ARHGEF9: variants seen among roughly 807,000 people sequenced by gnomAD.
ARHGEF9 encodes the protein Cdc42 guanine nucleotide exchange factor 9.
ARHGEF9 carries 2 observed loss-of-function variants against 41.3 expected under a neutral mutation model. The observed-to-expected ratio is 0.05, with a 90% CI of 0.02 to 0.15. The LOEUF is 0.15. Among genes scored for constraint, ARHGEF9 ranks in the 10% least tolerant of loss-of-function variants. The probability of loss-of-function intolerance (pLI) is 1.00; values close to 1 mark genes in which losing one functional copy is unlikely to be tolerated. For missense variants in ARHGEF9, 225 were observed against 424.7 expected (o/e 0.53, Z 4.13); for synonymous variants, 160 against 154.4 (o/e 1.04, Z -0.27).
intron 1 of ARHGEF9, among the ~76,000 whole-genome samples, chrX:63,776,524 T>C (rs2056296089): frequency 8.9e-6 from 1 of 112,065 alleles, no homozygotes; most frequent in Non-Finnish European, 1.9e-5. Flanking sequence ...AATTTAAAAA[T>C]GTAAAAATCA....
chrX:63,637,934 G>A lies in ARHGEF9; in HGVS notation c.*94C>T, dbSNP rs782671119. On this transcript the variant is annotated 3_prime_UTR_variant, in exon 10 of 10. Transcript: ENST00000671741. ...CAAGGGTCTCTGTGTGTGTGTGTGT[G>A]TATAAATTTCAACAGTGCTTCTCCG... 14 of 727,611 alleles carry A rather than the reference G, an allele frequency of 1.9e-5. No individual in the cohort carries two copies. The East Asian group carries it at 3.3e-4, about 17-fold the overall frequency. The allele number at this position is 727,611 out of a possible 1,213,427, so 60.0% of individuals were successfully genotyped here.
intron 8 of ARHGEF9, among the ~76,000 whole-genome samples, chrX:63,651,045 C>T (rs781937609): frequency 1.8e-5 from 2 of 110,814 alleles, no homozygotes; most frequent in Non-Finnish European, 3.8e-5. Flanking sequence ...GAAAACTCTA[C>T]CATTTTCCTG....
intron 4 of ARHGEF9, 145 bp from the exon 5 acceptor site, chrX:63,678,717 A>G (rs1367294286): frequency 4.2e-6 from 2 of 473,832 alleles, no homozygotes; most frequent in Admixed American, 3.6e-5. Context: ...TCATAATTTA[A>G]TAATAAATAT....
At chrX:63,745,505 G>T (rs2055213097) in intron 1 of ARHGEF9, among the ~76,000 whole-genome samples, 1 of 111,391 alleles carries the variant, frequency 9.0e-6, no homozygotes. Context: ...TCAGGTCTCT[G>T]ATCCAGCCAA....
chrX:63,640,101 A>G (rs1317561866), intron 9 of ARHGEF9: 2 of 112,183 alleles, frequency 1.8e-5, no homozygotes, highest in East Asian at 5.6e-4. Flanking sequence ...CAAAATACAT[A>G]AAACAGAAGA....
At position 63,645,160 on chromosome X, in the gene ARHGEF9, T is replaced by C. The variant is rs1602186979; in HGVS notation, c.1322-1112A>G. The stretch of plus-strand genomic sequence containing the variant: ...CTAAAAATAAATAAAAAGGAAATTT[T>C]ATATTAAAACCTCTGAGATACAGTT... On this transcript the variant is annotated intron_variant, in intron 8 of 9. Transcript: ENST00000671741. Among the ~76,000 whole-genome samples the C allele has an allele frequency of 2.7e-5, 3 of 111,287 alleles. No homozygotes were observed. The South Asian group carries it at 1.2e-3, about 43-fold the overall frequency.
rs182265298 is a variant in ARHGEF9 at position 63,689,868 on chromosome X, G to A, written c.582+7257C>T. On this transcript the variant is annotated intron_variant, in intron 4 of 9. Coordinates refer to ENST00000671741, the MANE Select transcript of ARHGEF9 (RefSeq NM_001353921.2). ...ACTTAAGAAACTGTACAAATACACC[G>A]AAATTAAATACATTGCTCCTGAATG... 2.6e-3 allele frequency among the ~76,000 whole-genome samples: 285 copies of A among 111,706 alleles called. 1 individual carries two copies. The highest frequency in any genetic ancestry group is 8.7e-3 in the African/African-American group (269 of 30,861).
intron 2 of ARHGEF9, among the ~76,000 whole-genome samples, chrX:63,707,603 G>A (rs782311430): frequency 9.0e-6 from 1 of 110,901 alleles, no homozygotes; most frequent in South Asian, 3.9e-4. Context: ...GTCTCAACAG[G>A]TTTAATCAAT....
Position 63,754,352 on chromosome X carries a change from TC to T in ARHGEF9, c.31-29642del, listed in dbSNP as rs782757577. 1.8e-5 allele frequency: 22 copies of T among 1,206,190 alleles called. No homozygotes were observed. In the African/African-American group the frequency reaches 3.6e-4, roughly 20 times the overall value. On this transcript the variant is annotated intron_variant, in intron 1 of 9. Coordinates refer to ENST00000671741, the MANE Select transcript of ARHGEF9 (RefSeq NM_001353921.2). Reference sequence around the variant, plus strand: ...GGCCATGTTGAAGCTCAAAACGTTTTCCCCCCTGAGTAAGAAAGCTTGTTCT... The same window carrying T: ...GGCCATGTTGAAGCTCAAAACGTTTTCCCCCTGAGTAAGAAAGCTTGTTCT...
At chrX:63,733,668 TG>T (rs1188565086) in intron 1 of ARHGEF9, among the ~76,000 whole-genome samples, 4 of 112,353 alleles carry the variant, frequency 3.6e-5, no homozygotes, top group African/African-American at 6.5e-5. Flanking sequence ...GTGTGTGATT[TG>T]TGAGTCATTA....
At chrX:63,689,221 T>C (rs1399812901) in intron 4 of ARHGEF9, among the ~76,000 whole-genome samples, 4 of 111,449 alleles carry the variant, frequency 3.6e-5, no homozygotes, top group African/African-American at 1.3e-4. Flanking sequence ...TCCAACTATA[T>C]GCTGCCTTCA....
chrX:63,767,027 T>C (rs1334034470), intron 1 of ARHGEF9: 15 of 854,611 alleles, frequency 1.8e-5, no homozygotes, highest in Non-Finnish European at 2.6e-5. Flanking sequence ...CTGTCTCTGG[T>C]ATTGAAGAGG....
intron 1 of ARHGEF9, among the ~76,000 whole-genome samples, chrX:63,780,459 G>A (rs2056362410): frequency 1.8e-5 from 2 of 111,061 alleles, no homozygotes; most frequent in Non-Finnish European, 3.8e-5. Context: ...CAAAGGTGTG[G>A]CAATGGGAGC....
chrX:63,759,371 G>C (rs1276198484), intron 1 of ARHGEF9, among the ~76,000 whole-genome samples: 2 of 110,851 alleles, frequency 1.8e-5, no homozygotes, highest in African/African-American at 6.6e-5. Flanking sequence ...TCTTGGTCTA[G>C]CACAACTCCA....
chrX:63,707,911 A>G (rs2052662774), intron 2 of ARHGEF9, among the ~76,000 whole-genome samples: 1 of 111,948 alleles, frequency 8.9e-6, no homozygotes, highest in Non-Finnish European at 1.9e-5. Flanking sequence ...GTCACAGGCC[A>G]AAGTAAATAG....
chrX:63,711,989 A>T (rs554994253), intron 2 of ARHGEF9, among the ~76,000 whole-genome samples: 1 of 112,441 alleles, frequency 8.9e-6, no homozygotes, highest in South Asian at 3.6e-4. Context: ...TCCAAAGAAG[A>T]CATATAAATG....
intron 1 of ARHGEF9, among the ~76,000 whole-genome samples, chrX:63,780,975 CA>C (rs1187696150): frequency 9.1e-6 from 1 of 110,410 alleles, no homozygotes; most frequent in African/African-American, 3.3e-5. Context: ...ATTATAAAGA[CA>C]AAAAAAACAG....
intron 1 of ARHGEF9, chrX:63,754,157 C>T: frequency 1.5e-6 from 1 of 660,575 alleles, no homozygotes; most frequent in Non-Finnish European, 2.4e-6. Context: ...CCATGAACGC[C>T]ACATAGATTA....
At chrX:63,730,238 C>T (rs1465840346) in intron 1 of ARHGEF9, among the ~76,000 whole-genome samples, 1 of 112,358 alleles carries the variant, frequency 8.9e-6, no homozygotes, top group Non-Finnish European at 1.9e-5. Context: ...AAAACATATG[C>T]TGCAAACTGG....
Sources: gnomAD v4.1 joint callset for allele counts (sites outside exome capture counted in the v4.1 genomes callset) on GRCh38, gnomAD v4.1.1 for gene constraint, MANE v1.5 for transcripts, NCBI Gene and HGNC (gene_info 2026-07-23, HGNC 2026-07-21) for gene names.